The following PPARGC1B variants were observed in gnomAD, a reference collection of about 807,000 sequenced individuals.
PPARGC1B encodes peroxisome proliferator-activated receptor gamma coactivator 1-beta.
A neutral mutation model predicts 101.6 loss-of-function variants in PPARGC1B; 34 were observed. The ratio of observed to expected loss-of-function variants is 0.33; its 90% confidence interval spans 0.25 to 0.45. The LOEUF (loss-of-function observed/expected upper bound fraction) is 0.45. Ranked by LOEUF, PPARGC1B falls within the 20% of genes least tolerant of loss-of-function variation. The pLI is 1.00. For synonymous variants in PPARGC1B, 548 were observed against 539.3 expected, an observed-to-expected ratio of 1.02 and a Z score of -0.22; for missense variants, 1,234 against 1,317.6, an observed-to-expected ratio of 0.94 and a Z score of 0.98.
At chr5:149,788,360 T>C (rs1193518288) in intron 1 of PPARGC1B, among the ~76,000 whole-genome samples, 1 of 152,076 alleles carries the variant, frequency 6.6e-6, no homozygotes, top group Admixed American at 6.5e-5. Flanking sequence ...GAAATGCAAA[T>C]CAAAACCAGA....
At chr5:149,830,923 G>C in intron 4 of PPARGC1B, 40 bp downstream of exon 4, 2 of 1,394,736 alleles carry the variant, frequency 1.4e-6, no homozygotes, top group Non-Finnish European at 2.0e-6. Context: ...CCAGGTGTCT[G>C]TTGGGGCTGC....
intron 9 of PPARGC1B, 35 bp from the exon 10 acceptor site, chr5:149,842,221 T>C: frequency 6.2e-7 from 1 of 1,603,560 alleles, no homozygotes; most frequent in South Asian, 1.1e-5. Context: ...AGCCAGGCAA[T>C]GACGGAGTCT....
At chr5:149,737,862 C>T (rs772357800) in intron 1 of PPARGC1B, among the ~76,000 whole-genome samples, 18 of 152,100 alleles carry the variant, frequency 1.2e-4, no homozygotes, top group Non-Finnish European at 1.3e-4. Context: ...GGCATGGTGG[C>T]GCATGCCTGT....
At chr5:149,811,749 A>G in intron 1 of PPARGC1B, among the ~76,000 whole-genome samples, 1 of 152,228 alleles carries the variant, frequency 6.6e-6, no homozygotes, top group Admixed American at 6.5e-5. Flanking sequence ...CTCCCTCCAA[A>G]TGATAAGAAG....
chr5:149,799,035 A>G (rs1319680649), intron 1 of PPARGC1B, among the ~76,000 whole-genome samples: 3 of 145,976 alleles, frequency 2.1e-5, no homozygotes, highest in East Asian at 4.1e-4. Context: ...CCAAGAGCCA[A>G]GTGTGACCTG....
rs59376962 is a variant in PPARGC1B, at chr5:149,778,003, T to TC, written c.79-42421dup. Among the ~76,000 whole-genome samples the TC allele has an allele frequency of 3.5e-3, 100 of 28,380 alleles. 2 individuals carry two copies. Among genetic ancestry groups the TC allele is most frequent in the Non-Finnish European group, 5.2e-3 (86 of 16,662 alleles). 18.6% of individuals were successfully genotyped at this position (28,380 alleles called of 152,430 possible). On this transcript the variant is annotated intron_variant, in intron 1 of 11. Coordinates refer to ENST00000309241, the MANE Select transcript of PPARGC1B (RefSeq NM_133263.4). ...TGTATCCATGTAGCAGTGCCCCCCT[T>TC]CCCCCCCCCACAGACACACACACAG...
intron 1 of PPARGC1B, among the ~76,000 whole-genome samples, chr5:149,794,877 C>T (rs1471419287): frequency 1.3e-5 from 2 of 152,212 alleles, no homozygotes; most frequent in African/African-American, 4.8e-5. Context: ...CAGGGTCTTC[C>T]TAGCTCTCCA....
intron 1 of PPARGC1B, among the ~76,000 whole-genome samples, chr5:149,748,231 G>A (rs1043631348): frequency 1.3e-5 from 2 of 151,954 alleles, no homozygotes; most frequent in Non-Finnish European, 2.9e-5. Context: ...CTGACTTAGG[G>A]CATGGTACTT....
At position 149,832,136 on chromosome 5, in the gene PPARGC1B, G is replaced by A. The variant is rs1330502041; in HGVS notation, c.583-520G>A. 6.6e-6 allele frequency among the ~76,000 whole-genome samples: 1 copy of A among 151,882 alleles called. No individual in the cohort carries two copies. Among genetic ancestry groups the A allele is most frequent in the Admixed American group, 6.6e-5 (1 of 15,256 alleles). On this transcript the variant is annotated intron_variant, in intron 4 of 11. Coordinates refer to ENST00000309241, the MANE Select transcript of PPARGC1B (RefSeq NM_133263.4). The surrounding 1 kb of genome is among the most constrained non-coding windows in gnomAD (Gnocchi z 4.9). The stretch of plus-strand genomic sequence containing the variant: ...AGCCTGGCCAACGTGGTGAAACCTT[G>A]TCTCTACTAAAAAATACAAAAAATT...
intron 1 of PPARGC1B, among the ~76,000 whole-genome samples, chr5:149,744,477 G>C (rs556052810): frequency 6.6e-6 from 1 of 152,150 alleles, no homozygotes; most frequent in Admixed American, 6.5e-5. Flanking sequence ...ATGTGAAAGC[G>C]CAAAGCTCAT....
chr5:149,812,227 C>T (rs1184199177), intron 1 of PPARGC1B, among the ~76,000 whole-genome samples: 1 of 152,124 alleles, frequency 6.6e-6, no homozygotes, highest in African/African-American at 2.4e-5. Flanking sequence ...TTAAGATGTT[C>T]TGTTCTTCTA....
At chr5:149,768,228 T>C (rs180720989) in intron 1 of PPARGC1B, among the ~76,000 whole-genome samples, 172 of 152,288 alleles carry the variant, frequency 1.1e-3, no homozygotes, top group African/African-American at 3.9e-3. Context: ...TTGTCACAAA[T>C]ATATTTTTAA....
intron 1 of PPARGC1B, among the ~76,000 whole-genome samples, chr5:149,768,511 T>C (rs1756002181): frequency 6.8e-6 from 1 of 147,252 alleles, no homozygotes; most frequent in Non-Finnish European, 1.5e-5. Flanking sequence ...TGGTGCCATC[T>C]CGGCTCACTG....
At position 149,833,282 on chromosome 5, in the gene PPARGC1B, C is replaced by G. The variant is rs141686848; in HGVS notation, c.1209C>G (p.Thr403=). 1 of 1,613,374 alleles carries G rather than the reference C, an allele frequency of 6.2e-7. No individual in the cohort carries two copies. The highest frequency in any genetic ancestry group is 1.3e-5 in the African/African-American group (1 of 75,064). ...GGATCGCAGCTTCACCCAAGAGCAC[C>G]GGGCCCAGACCAAGCCTGCGCCCAC... ...EVRIAASPKS[T]GPRPSLRPLR... is the part of the protein sequence containing the mutation. Residue 403 remains threonine, a synonymous_variant, in exon 5 of 12, where the codon ACC becomes ACG. Transcript: ENST00000309241. This position sits in a 1 kb window ranked among gnomAD's most constrained non-coding sequence, Gnocchi z 4.1.
intron 1 of PPARGC1B, among the ~76,000 whole-genome samples, chr5:149,819,725 A>G (rs1350474360): frequency 6.6e-6 from 1 of 151,780 alleles, no homozygotes; most frequent in African/African-American, 2.4e-5. Flanking sequence ...CTGGTCTTGA[A>G]CCCCTGACCT....
intron 1 of PPARGC1B, among the ~76,000 whole-genome samples, chr5:149,741,014 C>G (rs1290318082): frequency 2.0e-5 from 3 of 152,166 alleles, no homozygotes; most frequent in African/African-American, 7.2e-5. Flanking sequence ...TCAGCAGAGG[C>G]AAGACAGGGC....
At chr5:149,745,796 C>T (rs567234636) in intron 1 of PPARGC1B, among the ~76,000 whole-genome samples, 233 of 152,232 alleles carry the variant, frequency 1.5e-3, no homozygotes, top group African/African-American at 5.4e-3. Context: ...TTCAAATATT[C>T]GTCTTGGTCC....
chr5:149,843,924 A>G (rs1034985102), intron 10 of PPARGC1B, among the ~76,000 whole-genome samples: 4 of 152,226 alleles, frequency 2.6e-5, no homozygotes, highest in South Asian at 2.1e-4. Flanking sequence ...TTTCACTTAT[A>G]TGCTATGTCT....
chr5:149,842,455 A>G, intron 10 of PPARGC1B, 78 bp downstream of exon 10: 3 of 1,563,712 alleles, frequency 1.9e-6, no homozygotes, highest in Non-Finnish European at 2.6e-6. Flanking sequence ...GTACCAGAAG[A>G]TGCCCAAGAT....
Sources: allele counts gnomAD v4.1 joint callset (sites outside exome capture counted in the v4.1 genomes callset), GRCh38; gene constraint gnomAD v4.1.1; non-coding constraint Gnocchi (gnomAD v3.1); transcripts MANE v1.5; gene names NCBI Gene and HGNC (gene_info 2026-07-23, HGNC 2026-07-21).